GDF9: variants seen among roughly 807,000 people sequenced by gnomAD.
GDF9 encodes growth differentiation factor 9.
A neutral mutation model predicts 33.8 loss-of-function variants in GDF9; 30 were observed. The observed-to-expected ratio is 0.89, with a 90% CI of 0.66 to 1.20. GDF9 has a LOEUF of 1.20. Among genes scored for constraint, GDF9 ranks in the 50% most tolerant of loss-of-function variants. The pLI is 0.00. For missense variants in GDF9, 556 were observed against 543.7 expected (o/e 1.02, Z -0.22); for synonymous variants, 205 against 200.7 (o/e 1.02, Z -0.18).
In GDF9 at chr5:132,862,390, C is replaced by T; in HGVS notation, c.564G>A (p.Arg188=). The change falls in exon 2 of 2, where the codon AGG becomes AGA. Residue 188 remains arginine (R), a synonymous_variant. Transcript: ENST00000687138. ...ATGAGTATGGAGCTCTGCCGAGAGT[C>T]CTGCTAGAAGACTTTGGCTCCTTTA... The part of the protein sequence containing the change: ...LMIKEPKSSS[R]TLGRAPYSFT... 6.2e-7 allele frequency: 1 copy of T among 1,613,888 alleles called. No homozygotes were observed. The highest frequency in any genetic ancestry group is 8.5e-7 in the Non-Finnish European group (1 of 1,179,758).
At position 132,864,488 on chromosome 5, in the gene GDF9, A is replaced by C. The variant is rs768017714; in HGVS notation, c.46T>G (p.Trp16Gly). 3 of 1,612,714 alleles carry C rather than the reference A, an allele frequency of 1.9e-6. No individual in the cohort carries two copies. Among genetic ancestry groups the C allele is most frequent in the Non-Finnish European group, 2.5e-6 (3 of 1,180,030 alleles). ...CCAAGGCTAATAGGAAAACACAGCC[A>C]GGCAAAGCAGCAAAACCAAAGGAGG... ...KFLLWFCCFA[W>G]LCFPISLGSQ... Residue 16 changes from tryptophan to glycine, a missense_variant, in exon 1 of 2, where the codon TGG becomes GGG. Physicochemically the swap from Trp to Gly is radical, Grantham distance 184. Transcript: ENST00000687138.
chr5:132,864,013 A>G, intron 1 of GDF9, 124 bp downstream of exon 1: 2 of 1,023,910 alleles, frequency 2.0e-6, no homozygotes, highest in Non-Finnish European at 3.1e-6. Context: ...TTTCAACTGG[A>G]TATTGAGTTT....
Position 132,862,124 on chromosome 5 carries a change from C to A in GDF9, c.830G>T (p.Ser277Ile). 1 of 1,613,278 alleles carries A rather than the reference C, an allele frequency of 6.2e-7. No individual in the cohort carries two copies. Among genetic ancestry groups the A allele is most frequent in the Non-Finnish European group, 8.5e-7 (1 of 1,179,216 alleles). ...CCTTTTATAGTGAAGGGAATACCAG[C>A]TGTGATAAGCCTGAGCACTTGTGTC... is the stretch of plus-strand genomic sequence containing the variant. ...LNDTSAQAYHSWYSLHYKRRP... is the reference protein window; with the variant it reads ...LNDTSAQAYHIWYSLHYKRRP... The change falls in exon 2 of 2, where the codon AGC (serine) becomes ATC (isoleucine). Residue 277 changes from serine (S) to isoleucine (I), a missense_variant. Ser to Ile is a moderately radical substitution (Grantham distance 142). Coordinates refer to ENST00000687138, the MANE Select transcript of GDF9 (RefSeq NM_005260.7).
chr5:132,861,669 C>T lies in GDF9; in HGVS notation c.1285G>A (p.Val429Ile). 1.9e-6 allele frequency: 3 copies of T among 1,610,520 alleles called. No homozygotes were observed. Among genetic ancestry groups the T allele is most frequent in the Non-Finnish European group, 2.5e-6 (3 of 1,176,666 alleles). Reference protein sequence around the residue: ...CVPAKYSPLSVLTIEPDGSIA... With the variant: ...CVPAKYSPLSILTIEPDGSIA... ...GAGCCATCGGGCTCAATGGTCAAAACACTCAAGGGGCTGTATTTGGCAGGT... is the reference window on the plus strand; with the variant it reads ...GAGCCATCGGGCTCAATGGTCAAAATACTCAAGGGGCTGTATTTGGCAGGT... The change falls in exon 2 of 2, where the codon GTT (valine) becomes ATT (isoleucine). Residue 429 changes from valine (V) to isoleucine (I), a missense_variant. Coordinates refer to ENST00000687138, the MANE Select transcript of GDF9 (RefSeq NM_005260.7).
chr5:132,863,624 G>A (rs1045585557), intron 1 of GDF9, among the ~76,000 whole-genome samples: 5 of 152,064 alleles, frequency 3.3e-5, no homozygotes, highest in African/African-American at 1.2e-4. Flanking sequence ...ATTTTTAGTA[G>A]AGACGGGGTT....
intron 1 of GDF9, among the ~76,000 whole-genome samples, chr5:132,863,442 C>CTT (rs5871466): frequency 0.013 from 1,914 of 142,230 alleles, 36 homozygotes; most frequent in Middle Eastern, 0.037. Context: ...TAGATATATA[C>CTT]TTTTTTTTTT....
rs765757932 is a variant in GDF9 at position 132,861,909 on chromosome 5, G to C, written c.1045C>G (p.Pro349Ala). 6 of 1,613,746 alleles carry C rather than the reference G, an allele frequency of 3.7e-6. No homozygotes were observed. The highest frequency in any genetic ancestry group is 4.2e-6 in the Non-Finnish European group (5 of 1,179,738). ...LSEYFRQFLL[P>A]QNECELHDFR... ...TCATGGAGCTCACACTCATTTTGGG[G>C]AAGAAGAAATTGTCTGAAGTATTCA... Residue 349 changes from proline (P) to alanine (A), a missense_variant, in exon 2 of 2, where the codon CCC (proline) becomes GCC (alanine). Pro to Ala is a conservative substitution (Grantham distance 27). Transcript: ENST00000687138.
rs896195956 is a variant in GDF9 at position 132,866,065 on chromosome 5, G to A, written c.-1532C>T. 2 of 152,222 alleles carry A rather than the reference G, an allele frequency of 1.3e-5. No individual in the cohort carries two copies. The highest frequency in any genetic ancestry group is 2.9e-5 in the Non-Finnish European group (2 of 68,058). The allele number at this position is 152,222 out of a possible 1,614,324, so 9.4% of individuals were successfully genotyped here. On this transcript the variant is annotated 5_prime_UTR_variant, in exon 1 of 2. Transcript: ENST00000687138. ...CTTGGGAACGTTAACAGCCTGCCAG[G>A]GGACTCTAAAACAGAGTCCAAGAGA...
At chr5:132,864,038 T>C in intron 1 of GDF9, 99 bp downstream of exon 1, 3 of 1,264,186 alleles carry the variant, frequency 2.4e-6, no homozygotes, top group Non-Finnish European at 3.5e-6. Context: ...CAAAATAAAA[T>C]ACAATTCAAG....
In GDF9 at chr5:132,861,652, G is replaced by A. The variant is rs141444900; in HGVS notation, c.1302C>T (p.Pro434=). ...ACTCTTTATAGGCAATTGAGCCATC[G>A]GGCTCAATGGTCAAAACACTCAAGG... ...YSPLSVLTIE[P]DGSIAYKEYE... The change falls in exon 2 of 2, where the codon CCC becomes CCT. Residue 434 remains proline, a synonymous_variant. Coordinates refer to ENST00000687138, the MANE Select transcript of GDF9 (RefSeq NM_005260.7). 34 of 1,600,722 alleles carry A rather than the reference G, an allele frequency of 2.1e-5. No individual in the cohort carries two copies. Among genetic ancestry groups the A allele is most frequent in the Middle Eastern group, 1.7e-4 (1 of 6,040 alleles).
chr5:132,861,654 G>A lies in GDF9; in HGVS notation c.1300C>T (p.Pro434Ser), dbSNP rs142443414. Residue 434 changes from proline to serine, a missense_variant, in exon 2 of 2, where the codon CCC (proline) becomes TCC (serine). Physicochemically the swap from Pro to Ser is moderately conservative, Grantham distance 74. Transcript: ENST00000687138. Reference protein sequence around the residue: ...YSPLSVLTIEPDGSIAYKEYE... With the variant: ...YSPLSVLTIESDGSIAYKEYE... ...TCTTTATAGGCAATTGAGCCATCGG[G>A]CTCAATGGTCAAAACACTCAAGGGG... 5.6e-6 allele frequency: 9 copies of A among 1,609,398 alleles called. No homozygotes were observed. The African/African-American group carries it at 1.2e-4, about 22-fold the overall frequency.
Position 132,862,073 on chromosome 5 carries a change from TCCTGGTCAGGAC to T in GDF9, c.869_880del (p.Gly290_Gln293del). 1.2e-6 allele frequency: 2 copies of T among 1,614,090 alleles called. No individual in the cohort carries two copies. Among genetic ancestry groups the T allele is most frequent in the Non-Finnish European group, 8.5e-7 (1 of 1,179,950 alleles). ...CACAGGATAGGCAGACAGACTTCTC[TCCTGGTCAGGAC>T]CCTGGGAAGGCCTCCTTTTATAGTG... On this transcript the variant is annotated inframe_deletion, in exon 2 of 2. Transcript: ENST00000687138.
Position 132,864,196 on chromosome 5 carries a change from G to C in GDF9, c.338C>G (p.Thr113Ser). 2 of 1,614,218 alleles carry C rather than the reference G, an allele frequency of 1.2e-6. No homozygotes were observed. Among genetic ancestry groups the C allele is most frequent in the Non-Finnish European group, 1.7e-6 (2 of 1,180,040 alleles). Residue 113 changes from threonine to serine, a missense_variant, in exon 1 of 2, where the codon ACT (threonine) becomes AGT (serine). By Grantham distance (58) the Thr-to-Ser change is moderately conservative. Coordinates refer to ENST00000687138, the MANE Select transcript of GDF9 (RefSeq NM_005260.7). Reference protein sequence around the residue: ...PKSNRSHLYNTVRLFTPCTRH... With the variant: ...PKSNRSHLYNSVRLFTPCTRH... ...GGTACAGGGGGTGAAGAGCCGAACAGTGTTGTAGAGGTGACTTCTATTGGA... is the reference window on the plus strand; with the variant it reads ...GGTACAGGGGGTGAAGAGCCGAACACTGTTGTAGAGGTGACTTCTATTGGA...
chr5:132,861,341 A>G lies in GDF9; in HGVS notation c.*248T>C. 1 of 468,614 alleles carries G rather than the reference A, an allele frequency of 2.1e-6. No homozygotes were observed. Among genetic ancestry groups the G allele is most frequent in the Non-Finnish European group, 3.8e-6 (1 of 261,650 alleles). 29.0% of individuals were successfully genotyped at this position (468,614 alleles called of 1,614,324 possible). A position where few individuals can be genotyped will look rare whatever the true frequency, so the allele number is the denominator to read the frequency against. On this transcript the variant is annotated 3_prime_UTR_variant, in exon 2 of 2. Transcript: ENST00000687138. Reference sequence around the variant, plus strand: ...GAAAAAAAATCACTCAAGGAAAAAAATGTAAAGTTCTCCACAATAATTATA... The same window carrying G: ...GAAAAAAAATCACTCAAGGAAAAAAGTGTAAAGTTCTCCACAATAATTATA...
chr5:132,865,435 A>AC lies in GDF9; in HGVS notation c.-903dup. 6.6e-6 allele frequency: 1 copy of AC among 152,264 alleles called. No homozygotes were observed. Among genetic ancestry groups the AC allele is most frequent in the East Asian group, 1.9e-4 (1 of 5,184 alleles). The allele number at this position is 152,264 out of a possible 1,614,324, so 9.4% of individuals were successfully genotyped here. A position where few individuals can be genotyped will look rare whatever the true frequency, so the allele number is the denominator to read the frequency against. ...AATTTGCCACAATATTTCTGTCCTT[A>AC]CCTGTATTTCTGTTCTTGCCTTGGA... On this transcript the variant is annotated 5_prime_UTR_variant, in exon 1 of 2. The change abolishes the stop of an existing upstream ORF in the 5' untranslated region. Coordinates refer to ENST00000687138, the MANE Select transcript of GDF9 (RefSeq NM_005260.7).
rs768506285 is a variant in GDF9, at chr5:132,862,387, A to G, written c.567T>C (p.Thr189=). Residue 189 remains threonine, a synonymous_variant, in exon 2 of 2, where the codon ACT becomes ACC. Coordinates refer to ENST00000687138, the MANE Select transcript of GDF9 (RefSeq NM_005260.7). ...TAAATGAGTATGGAGCTCTGCCGAG[A>G]GTCCTGCTAGAAGACTTTGGCTCCT... ...MIKEPKSSSR[T]LGRAPYSFTF... 1 of 1,613,942 alleles carries G rather than the reference A, an allele frequency of 6.2e-7. No homozygotes were observed. The highest frequency in any genetic ancestry group is 1.1e-5 in the South Asian group (1 of 91,078).
intron 1 of GDF9, among the ~76,000 whole-genome samples, chr5:132,862,995 A>AT (rs1034079714): frequency 2.6e-5 from 4 of 151,960 alleles, no homozygotes; most frequent in Non-Finnish European, 5.9e-5. Flanking sequence ...TGCCCAGCTG[A>AT]TTTTTTGTTT....
In GDF9 at chr5:132,866,426, T is replaced by TC; in HGVS notation, c.-1894dup. 5.3e-6 allele frequency: 1 copy of TC among 190,242 alleles called. No individual in the cohort carries two copies. Among genetic ancestry groups the TC allele is most frequent in the Admixed American group, 5.7e-5 (1 of 17,566 alleles). The allele number at this position is 190,242 out of a possible 1,614,324, so 11.8% of individuals were successfully genotyped here. On this transcript the variant is annotated 5_prime_UTR_variant, in exon 1 of 2. Transcript: ENST00000687138. ...TGTGAGCGCCTCCGCCTGTCCACTG[T>TC]CCCCCAAAGTCAGTTCAATCCCCGA...
chr5:132,863,328 G>A (rs1759389639), intron 1 of GDF9, among the ~76,000 whole-genome samples: 2 of 152,134 alleles, frequency 1.3e-5, no homozygotes. Context: ...TAGAACACTT[G>A]AGATTAAAAA....
Sources: gnomAD v4.1 joint callset for allele counts (sites outside exome capture counted in the v4.1 genomes callset) on GRCh38, gnomAD v4.1.1 for gene constraint, MANE v1.5 for transcripts, NCBI Gene and HGNC (gene_info 2026-07-23, HGNC 2026-07-21) for gene names.